The following CIB4 variants were observed in gnomAD, a reference collection of about 807,000 sequenced individuals.
CIB4 encodes the protein calcium and integrin binding family member 4.
CIB4 carries 25 observed loss-of-function variants against 25.8 expected under a neutral mutation model. The observed-to-expected ratio is 0.97, with a 90% CI of 0.71 to 1.35. CIB4 has a LOEUF of 1.35. Among genes scored for constraint, CIB4 ranks in the 40% most tolerant of loss-of-function variants. CIB4 has a pLI of 0.00. For missense variants in CIB4, 235 were observed against 228.2 expected (o/e 1.03, Z -0.19); for synonymous variants, 75 against 81.4 (o/e 0.92, Z 0.42).
intron 3 of CIB4, among the ~76,000 whole-genome samples, chr2:26,614,558 C>T (rs779140121): frequency 1.3e-5 from 2 of 152,220 alleles, no homozygotes; most frequent in African/African-American, 2.4e-5. Context: ...CTGGCAGAGT[C>T]GGTGCACCAC....
intron 2 of CIB4, among the ~76,000 whole-genome samples, chr2:26,635,422 G>T (rs894285486): frequency 1.3e-5 from 2 of 152,194 alleles, no homozygotes; most frequent in African/African-American, 4.8e-5. Context: ...CCCTGCAAAG[G>T]TTACTTCTAC....
At chr2:26,598,660 G>C (rs143888625) in intron 3 of CIB4, among the ~76,000 whole-genome samples, 259 of 152,276 alleles carry the variant, frequency 1.7e-3, no homozygotes, top group Middle Eastern at 0.017. Context: ...TGTAAGGCCT[G>C]GCAGGCACCT....
intron 4 of CIB4, 105 bp from the exon 5 acceptor site, chr2:26,584,003 G>T: frequency 1.4e-6 from 1 of 702,432 alleles, no homozygotes. Flanking sequence ...CCCCACAGAT[G>T]CCCATTAGCC....
intron 3 of CIB4, among the ~76,000 whole-genome samples, chr2:26,615,098 G>C (rs1426835623): frequency 2.6e-5 from 4 of 152,172 alleles, no homozygotes. Context: ...TACCAGACTA[G>C]CTGGGTGACT....
chr2:26,610,434 C>T (rs752458587), intron 3 of CIB4, among the ~76,000 whole-genome samples: 62 of 152,216 alleles, frequency 4.1e-4, no homozygotes, highest in Non-Finnish European at 7.6e-4. Context: ...ACCTAAGCAA[C>T]TCAAAGGCCT....
chr2:26,617,004 C>T (rs944540019), intron 3 of CIB4, among the ~76,000 whole-genome samples: 139 of 152,274 alleles, frequency 9.1e-4, no homozygotes, highest in African/African-American at 3.2e-3. Flanking sequence ...GGTCAGGAGT[C>T]TTAGAGCACA....
intron 3 of CIB4, among the ~76,000 whole-genome samples, chr2:26,613,180 A>G (rs753054): frequency 0.65 from 99,046 of 151,970 alleles, 32,398 homozygotes; most frequent in Admixed American, 0.72. Context: ...GGCCTCCAGC[A>G]CCTGGAGCTT....
chr2:26,612,358 C>T (rs1056756570), intron 3 of CIB4, among the ~76,000 whole-genome samples: 1 of 152,250 alleles, frequency 6.6e-6, no homozygotes, highest in Admixed American at 6.5e-5. Flanking sequence ...TATGTCTGTA[C>T]CTTTCCATAT....
chr2:26,617,396 GA>G (rs1278115822), intron 3 of CIB4, among the ~76,000 whole-genome samples: 1 of 152,154 alleles, frequency 6.6e-6, no homozygotes, highest in Non-Finnish European at 1.5e-5. Flanking sequence ...AAGTTGGCAG[GA>G]CAGTCTCTGG....
intron 3 of CIB4, among the ~76,000 whole-genome samples, chr2:26,612,287 A>C (rs1185790052): frequency 6.6e-6 from 1 of 152,214 alleles, no homozygotes; most frequent in African/African-American, 2.4e-5. Flanking sequence ...GCTCAATAAG[A>C]ACGGAAGTTC....
At chr2:26,588,705 G>A (rs1668501123) in intron 4 of CIB4, among the ~76,000 whole-genome samples, 1 of 152,230 alleles carries the variant, frequency 6.6e-6, no homozygotes, top group Non-Finnish European at 1.5e-5. Context: ...CGTGGCGTCA[G>A]TCCCTGGGAA....
At chr2:26,589,008 C>A (rs1426661977) in intron 4 of CIB4, among the ~76,000 whole-genome samples, 10 of 17,856 alleles carry the variant, frequency 5.6e-4, no homozygotes, top group African/African-American at 2.1e-3. Flanking sequence ...TCTTCTTCTT[C>A]TTCTTCTTCT....
chr2:26,595,498 G>A (rs554893464), intron 3 of CIB4, among the ~76,000 whole-genome samples, 181 bp from the exon 4 acceptor site: 2 of 152,318 alleles, frequency 1.3e-5, no homozygotes, highest in South Asian at 4.1e-4. Context: ...ATGGGGTGCC[G>A]GGGATGAATC....
chr2:26,584,787 G>A (rs1184764884), intron 4 of CIB4, among the ~76,000 whole-genome samples: 4 of 152,162 alleles, frequency 2.6e-5, no homozygotes, highest in East Asian at 1.9e-4. Flanking sequence ...AGAGGGTTCC[G>A]GCCGTGGGGA....
intron 5 of CIB4, 118 bp from the exon 6 acceptor site, chr2:26,583,031 C>G: frequency 1.5e-6 from 1 of 649,588 alleles, no homozygotes. Flanking sequence ...TAACACTTGT[C>G]TCCTGGGTCC....
chr2:26,601,969 T>C (rs979329510), intron 3 of CIB4, among the ~76,000 whole-genome samples: 2 of 151,916 alleles, frequency 1.3e-5, no homozygotes, highest in Admixed American at 1.3e-4. Flanking sequence ...TAGCTGTCAG[T>C]GGTTGTGGGA....
intron 3 of CIB4, among the ~76,000 whole-genome samples, chr2:26,617,147 T>TGTGTGTGC (rs10665609): frequency 2.0e-5 from 3 of 150,412 alleles, no homozygotes; most frequent in African/African-American, 7.4e-5. Flanking sequence ...TGTGTGTGTG[T>TGTGTGTGC]GCACGTGAGC....
chr2:26,618,680 G>A (rs772644170), intron 3 of CIB4, among the ~76,000 whole-genome samples: 8 of 152,188 alleles, frequency 5.3e-5, no homozygotes, highest in Non-Finnish European at 7.3e-5. Flanking sequence ...CAGTCGGACC[G>A]GGTGCTGGGG....
intron 2 of CIB4, among the ~76,000 whole-genome samples, chr2:26,635,985 C>G (rs192664136): frequency 6.6e-6 from 1 of 152,294 alleles, no homozygotes; most frequent in African/African-American, 2.4e-5. Flanking sequence ...CCTCTCTAAC[C>G]CTGCTCTCCA....
Sources: allele counts gnomAD v4.1 joint callset (sites outside exome capture counted in the v4.1 genomes callset), GRCh38; gene constraint gnomAD v4.1.1; transcripts MANE v1.5; gene names NCBI Gene and HGNC (gene_info 2026-07-23, HGNC 2026-07-21).